The following WIPF3 variants were observed in gnomAD, a reference collection of about 807,000 sequenced individuals.
The protein encoded by WIPF3 is WAS/WASL interacting protein family member 3.
Under a neutral mutation model 38.9 loss-of-function variants are expected in WIPF3, and 33 were observed. That is an observed-to-expected ratio of 0.85 (90% CI 0.64 to 1.14). The LOEUF (loss-of-function observed/expected upper bound fraction) is 1.14. Ranked by LOEUF, WIPF3 falls within the 50% of genes most tolerant of loss-of-function variation. WIPF3 has a pLI of 0.00. For missense variants in WIPF3, 711 were observed against 652.5 expected (o/e 1.09, Z -0.98); for synonymous variants, 324 against 269.3 (o/e 1.20, Z -1.99).
In WIPF3 at chr7:29,888,105, C is replaced by T; in HGVS notation, c.1137C>T (p.Pro379=). Residue 379 remains proline, a synonymous_variant, in exon 6 of 9, where the codon CCC becomes CCT. Transcript: ENST00000242140. ...GGGKLNPPPA[P]PARSPTTELS... The stretch of plus-strand genomic sequence containing the variant: ...GAAAGCTAAATCCACCTCCAGCACC[C>T]CCTGCGAGATCACCTACCACAGAGC... 2 of 1,613,904 alleles carry T rather than the reference C, an allele frequency of 1.2e-6. No individual in the cohort carries two copies.
chr7:29,828,761 C>T (rs1373641555), intron 1 of WIPF3, among the ~76,000 whole-genome samples: 1 of 152,206 alleles, frequency 6.6e-6, no homozygotes, highest in African/African-American at 2.4e-5. Context: ...TCACAGCCTG[C>T]TCCCTGCTGG....
chr7:29,872,857 A>G (rs935202370), intron 2 of WIPF3, among the ~76,000 whole-genome samples: 2 of 150,606 alleles, frequency 1.3e-5, no homozygotes, highest in African/African-American at 4.9e-5. Flanking sequence ...GCGGGAGATC[A>G]TCGGGGCGCT....
chr7:29,859,830 A>C (rs1785245354), intron 2 of WIPF3, among the ~76,000 whole-genome samples: 3 of 152,180 alleles, frequency 2.0e-5, no homozygotes, highest in Non-Finnish European at 4.4e-5. Context: ...GGAATAATTA[A>C]TTCTGACTCA....
At chr7:29,809,431 G>T (rs949162104) in intron 1 of WIPF3, among the ~76,000 whole-genome samples, 16 of 152,228 alleles carry the variant, frequency 1.1e-4, no homozygotes, top group Admixed American at 7.2e-4. Context: ...CTGCCATCTG[G>T]CTGCTGGAAT....
intron 1 of WIPF3, among the ~76,000 whole-genome samples, chr7:29,818,363 G>A (rs1227022251): frequency 1.3e-5 from 2 of 151,840 alleles, no homozygotes; most frequent in Non-Finnish European, 2.9e-5. Context: ...TGAAGTAGGC[G>A]AATCGCTTGA....
intron 7 of WIPF3, among the ~76,000 whole-genome samples, chr7:29,898,130 C>T (rs992102679): frequency 6.6e-6 from 1 of 152,326 alleles, no homozygotes; most frequent in Admixed American, 6.5e-5. Context: ...TTGCCAACTA[C>T]AGTGTCAGAG....
At chr7:29,874,272 G>C (rs1313016794) in intron 2 of WIPF3, among the ~76,000 whole-genome samples, 2 of 152,036 alleles carry the variant, frequency 1.3e-5, no homozygotes, top group Non-Finnish European at 2.9e-5. Context: ...AGTAGTTATT[G>C]AGCCAGATCC....
Position 29,884,370 on chromosome 7 carries a change from G to GC in WIPF3, c.878dup (p.Pro294AlafsTer24). ...AAGATGCGCAGGAGCCTCCCGCCCC[G>GC]CCGCCCCCGCTCCCCCCTTATGCTT... On this transcript the variant is annotated frameshift_variant, in exon 5 of 9. Coordinates refer to ENST00000242140, the MANE Select transcript of WIPF3 (RefSeq NM_001080529.3). LOFTEE classifies it high-confidence loss of function. 12 of 374,142 alleles carry GC rather than the reference G, an allele frequency of 3.2e-5. No homozygotes were observed. The highest frequency in any genetic ancestry group is 1.4e-4 in the Admixed American group (1 of 7,194). The allele number at this position is 374,142 out of a possible 1,614,324, so 23.2% of individuals were successfully genotyped here. A position where few individuals can be genotyped will look rare whatever the true frequency, so the allele number is the denominator to read the frequency against.
At chr7:29,808,541 G>A (rs1202663126) in intron 1 of WIPF3, among the ~76,000 whole-genome samples, 1 of 152,202 alleles carries the variant, frequency 6.6e-6, no homozygotes, top group East Asian at 1.9e-4. Context: ...CCTGAATCGG[G>A]GCAGAGCGGT....
At chr7:29,868,855 G>T (rs1283953682) in intron 2 of WIPF3, among the ~76,000 whole-genome samples, 1 of 152,070 alleles carries the variant, frequency 6.6e-6, no homozygotes, top group Non-Finnish European at 1.5e-5. Context: ...CTAAACATAG[G>T]AAAGGTACAA....
chr7:29,848,049 G>T (rs1405190109), intron 2 of WIPF3, among the ~76,000 whole-genome samples: 2 of 152,140 alleles, frequency 1.3e-5, no homozygotes, highest in Non-Finnish European at 2.9e-5. Flanking sequence ...AGTCCATGGG[G>T]CCAGTACTTG....
chr7:29,850,738 CA>C (rs1785080838), intron 2 of WIPF3, among the ~76,000 whole-genome samples: 1 of 152,136 alleles, frequency 6.6e-6, no homozygotes, highest in Non-Finnish European at 1.5e-5. Flanking sequence ...AACATGATTC[CA>C]GGGGGCCAGA....
At position 29,884,418 on chromosome 7, in the gene WIPF3, G is replaced by A. The variant is rs1186216563; in HGVS notation, c.924G>A (p.Leu308=). The change falls in exon 5 of 9, where the codon TTG becomes TTA. Residue 308 remains leucine, a synonymous_variant. Coordinates refer to ENST00000242140, the MANE Select transcript of WIPF3 (RefSeq NM_001080529.3). ...CTTCTTGCTCCCCGAGGGCTTCTTT[G>A]CCCGCGCCCCCTTTGCCAGGAGTTA... ...PYASCSPRAS[L]PAPPLPGVNS... The A allele has an allele frequency of 4.5e-6, 6 of 1,333,004 alleles. No individual in the cohort carries two copies. Among genetic ancestry groups the A allele is most frequent in the Non-Finnish European group, 4.9e-6 (5 of 1,024,890 alleles). The allele number at this position is 1,333,004 out of a possible 1,614,324, so 82.6% of individuals were successfully genotyped here. A position where few individuals can be genotyped will look rare whatever the true frequency, so the allele number is the denominator to read the frequency against.
At chr7:29,861,107 G>T (rs925776178) in intron 2 of WIPF3, among the ~76,000 whole-genome samples, 1 of 152,108 alleles carries the variant, frequency 6.6e-6, no homozygotes, top group Admixed American at 6.5e-5. Flanking sequence ...AAAGCCCAGA[G>T]GTAGATGGAG....
In WIPF3 at chr7:29,827,823, C is replaced by T. The variant is rs117388709; in HGVS notation, c.-57-6845C>T. On this transcript the variant is annotated intron_variant, in intron 1 of 8. Transcript: ENST00000242140. ...TATTATTATTGTTTTGAGGTGGTGT[C>T]TCACTCTGTCGCCCAGGCTGGAGTG... 9.2e-5 allele frequency among the ~76,000 whole-genome samples: 14 copies of T among 152,298 alleles called. No individual in the cohort carries two copies. The East Asian group carries it at 2.1e-3, about 23-fold the overall frequency.
chr7:29,807,851 C>T (rs150406313), intron 1 of WIPF3, among the ~76,000 whole-genome samples: 1 of 152,290 alleles, frequency 6.6e-6, no homozygotes, highest in Non-Finnish European at 1.5e-5. Context: ...GTTTGTGCCC[C>T]TCCGCCTCCT....
chr7:29,844,476 C>T lies in WIPF3; in HGVS notation c.90+9662C>T, dbSNP rs535767854. ...TACAACAATCCAATGAGGTAGGGACCGGTAGTGCCATTTTAAGGATGAGAG... is the reference window on the plus strand; with the variant it reads ...TACAACAATCCAATGAGGTAGGGACTGGTAGTGCCATTTTAAGGATGAGAG... On this transcript the variant is annotated intron_variant, in intron 2 of 8. Transcript: ENST00000242140. This position sits in a 1 kb window ranked among gnomAD's most constrained non-coding sequence, Gnocchi z 4.8. Among the ~76,000 whole-genome samples, 36 of 152,210 alleles carry T rather than the reference C, an allele frequency of 2.4e-4. No homozygotes were observed. Among genetic ancestry groups the T allele is most frequent in the Admixed American group, 2.3e-3 (35 of 15,290 alleles).
intron 1 of WIPF3, among the ~76,000 whole-genome samples, chr7:29,817,273 C>T (rs1301314212): frequency 2.0e-5 from 3 of 152,054 alleles, no homozygotes; most frequent in Non-Finnish European, 4.4e-5. Flanking sequence ...ACTGTAATTT[C>T]CCCCAGTTTA....
intron 8 of WIPF3, among the ~76,000 whole-genome samples, chr7:29,911,970 A>G (rs1786513118): frequency 6.6e-6 from 1 of 152,200 alleles, no homozygotes; most frequent in Non-Finnish European, 1.5e-5. Context: ...CATATCAAAG[A>G]CAATATAAAA....
Sources: allele counts gnomAD v4.1 joint callset (sites outside exome capture counted in the v4.1 genomes callset), GRCh38; gene constraint gnomAD v4.1.1; non-coding constraint Gnocchi (gnomAD v3.1); transcripts MANE v1.5; gene names NCBI Gene and HGNC (gene_info 2026-07-23, HGNC 2026-07-21).